Variants in TBC1D9 observed in about 807,000 individuals in gnomAD.
TBC1D9 encodes the protein TBC1 domain family member 9A.
In TBC1D9, 63 loss-of-function variants were observed where a neutral mutation model predicts 132.0. The observed-to-expected ratio is 0.48, with a 90% CI of 0.39 to 0.59. TBC1D9 has a LOEUF of 0.59. Among genes scored for constraint, TBC1D9 ranks in the 20% least tolerant of loss-of-function variants. The probability of loss-of-function intolerance (pLI) is 0.00; values close to 1 mark genes in which losing one functional copy is unlikely to be tolerated. For missense variants in TBC1D9, 1,261 were observed against 1,592.7 expected (o/e 0.79, Z 3.54); for synonymous variants, 610 against 609.9 (o/e 1.00, Z 0.00).
chr4:140,722,691 TATTATTA>T (rs1421681647), intron 1 of TBC1D9, among the ~76,000 whole-genome samples: 1 of 152,188 alleles, frequency 6.6e-6, no homozygotes. Flanking sequence ...ACTCTTCAAT[TATTATTA>T]AAACAAATAA....
intron 8 of TBC1D9, 133 bp from the exon 9 acceptor site, chr4:140,669,200 C>T (rs561218060): frequency 6.8e-6 from 6 of 877,178 alleles, no homozygotes; most frequent in Middle Eastern, 2.5e-4. Flanking sequence ...GAAAAAGGAA[C>T]TCAGATTTTC....
In TBC1D9 at chr4:140,706,947, G is replaced by A. The variant is rs74587451; in HGVS notation, c.131-5333C>T. ...TTTGCTCTATTATGCAACTGTAATC[G>A]TATTCTGTTTGCATAAATCCTTAAG... On this transcript the variant is annotated intron_variant, in intron 1 of 20. Coordinates refer to ENST00000442267, the MANE Select transcript of TBC1D9 (RefSeq NM_015130.3). This position sits in a 1 kb window ranked among gnomAD's most constrained non-coding sequence, Gnocchi z 4.0. Among the ~76,000 whole-genome samples the A allele has an allele frequency of 0.022, 3,323 of 152,130 alleles. 118 individuals carry two copies. Among genetic ancestry groups the A allele is most frequent in the African/African-American group, 0.075 (3,125 of 41,512 alleles).
intron 1 of TBC1D9, 84 bp downstream of exon 1, chr4:140,755,832 G>C (rs1739003072): frequency 3.7e-6 from 5 of 1,341,922 alleles, no homozygotes; most frequent in East Asian, 3.2e-5. Context: ...ACCGGGCGGC[G>C]TCTCCCGAGC....
chr4:140,730,634 G>T (rs1330725013), intron 1 of TBC1D9, among the ~76,000 whole-genome samples: 1 of 152,156 alleles, frequency 6.6e-6, no homozygotes, highest in African/African-American at 2.4e-5. Context: ...GATGAGACAA[G>T]GAGAATTGCT....
At chr4:140,712,681 G>C (rs1348561311) in intron 1 of TBC1D9, among the ~76,000 whole-genome samples, 1 of 151,576 alleles carries the variant, frequency 6.6e-6, no homozygotes, top group African/African-American at 2.4e-5. Context: ...GGCGGAGGTT[G>C]CAGTGAAGCC....
intron 18 of TBC1D9, among the ~76,000 whole-genome samples, chr4:140,626,379 A>G (rs1288780675): frequency 6.6e-6 from 1 of 152,174 alleles, no homozygotes; most frequent in Admixed American, 6.5e-5. Flanking sequence ...TGTTCTGTCC[A>G]AAGCTCCTAC....
chr4:140,627,884 C>G (rs1736733488), intron 17 of TBC1D9, among the ~76,000 whole-genome samples: 1 of 152,208 alleles, frequency 6.6e-6, no homozygotes. Flanking sequence ...TCGTGCCAAT[C>G]TCATCTCATT....
chr4:140,683,266 A>G (rs1316948787), intron 3 of TBC1D9, among the ~76,000 whole-genome samples: 2 of 152,178 alleles, frequency 1.3e-5, no homozygotes, highest in Admixed American at 1.3e-4. Context: ...CTAGGGTCTA[A>G]TATACTAGTA....
intron 2 of TBC1D9, among the ~76,000 whole-genome samples, chr4:140,690,266 A>G (rs530040096): frequency 6.6e-6 from 1 of 152,134 alleles, no homozygotes; most frequent in South Asian, 2.1e-4. Flanking sequence ...GTTCAGGTTT[A>G]CTATCATTGT....
At chr4:140,735,941 A>G (rs1319551715) in intron 1 of TBC1D9, among the ~76,000 whole-genome samples, 1 of 152,218 alleles carries the variant, frequency 6.6e-6, no homozygotes, top group East Asian at 1.9e-4. Context: ...ACATATTTCT[A>G]GCAAGGATAC....
At chr4:140,732,704 A>G (rs1306757063) in intron 1 of TBC1D9, among the ~76,000 whole-genome samples, 1 of 152,188 alleles carries the variant, frequency 6.6e-6, no homozygotes, top group Admixed American at 6.5e-5. Flanking sequence ...ACCAAGGAAC[A>G]TAACACCCCA....
At chr4:140,734,511 G>A (rs1483128161) in intron 1 of TBC1D9, among the ~76,000 whole-genome samples, 1 of 152,136 alleles carries the variant, frequency 6.6e-6, no homozygotes, top group Non-Finnish European at 1.5e-5. Context: ...CATAACGCAG[G>A]CCAGGTGCGG....
At chr4:140,625,937 G>A (rs4956464) in intron 18 of TBC1D9, among the ~76,000 whole-genome samples, 2,350 of 152,186 alleles carry the variant, frequency 0.015, 57 homozygotes, top group African/African-American at 0.053. Context: ...TATTTTACCC[G>A]TACCTGAAAC....
At chr4:140,710,210 AG>A (rs1181482931) in intron 1 of TBC1D9, among the ~76,000 whole-genome samples, 1 of 152,150 alleles carries the variant, frequency 6.6e-6, no homozygotes, top group Non-Finnish European at 1.5e-5. Context: ...AGGAGGCATG[AG>A]GGTTTTGTTG....
chr4:140,754,047 G>A (rs1026635097), intron 1 of TBC1D9, among the ~76,000 whole-genome samples: 11 of 152,250 alleles, frequency 7.2e-5, no homozygotes, highest in Admixed American at 2.0e-4. Context: ...TTTACAAGAT[G>A]TAATTTTACC....
In TBC1D9 at chr4:140,657,160, G is replaced by C. The variant is rs531025762; in HGVS notation, c.2274C>G (p.Leu758=). Residue 758 remains leucine (L), a synonymous_variant, in exon 13 of 21, where the codon CTC becomes CTG. Coordinates refer to ENST00000442267, the MANE Select transcript of TBC1D9 (RefSeq NM_015130.3). The part of the protein sequence containing the change: ...LPPIPHLHSL[L]SDDVEPYPEV... ...CAGGGTAAGGTTCCACATCATCGCT[G>C]AGCAAGGAGTGGAGGTGAGGAATGG... 4 of 1,613,924 alleles carry C rather than the reference G, an allele frequency of 2.5e-6. No individual in the cohort carries two copies. Among genetic ancestry groups the C allele is most frequent in the Non-Finnish European group, 2.5e-6 (3 of 1,179,818 alleles).
intron 1 of TBC1D9, among the ~76,000 whole-genome samples, chr4:140,735,647 G>T (rs983549917): frequency 2.7e-4 from 41 of 152,156 alleles, no homozygotes; most frequent in Admixed American, 7.9e-4. Flanking sequence ...GGAGTTCAAG[G>T]CTGCAGTGAG....
chr4:140,730,687 C>A (rs1036352058), intron 1 of TBC1D9, among the ~76,000 whole-genome samples: 12 of 152,156 alleles, frequency 7.9e-5, no homozygotes. Flanking sequence ...GATCTCACCA[C>A]TGCACTCCAG....
intron 1 of TBC1D9, among the ~76,000 whole-genome samples, chr4:140,728,749 G>A (rs1228014246): frequency 5.9e-5 from 9 of 152,092 alleles, no homozygotes; most frequent in Non-Finnish European, 1.3e-4. Context: ...AGCAACCTCT[G>A]CCTCTCGGGT....
Sources: gnomAD v4.1 joint callset for allele counts (sites outside exome capture counted in the v4.1 genomes callset) on GRCh38, gnomAD v4.1.1 for gene constraint, Gnocchi (gnomAD v3.1) non-coding constraint, MANE v1.5 for transcripts, NCBI Gene and HGNC (gene_info 2026-07-23, HGNC 2026-07-21) for gene names.